POLG: variants seen among roughly 807,000 people sequenced by gnomAD.
POLG encodes the protein DNA polymerase gamma, catalytic subunit.
Under a neutral mutation model 155.4 loss-of-function variants are expected in POLG, and 110 were observed. The ratio of observed to expected loss-of-function variants is 0.71; its 90% CI spans 0.61 to 0.83. The LOEUF (loss-of-function observed/expected upper bound fraction) is 0.83. POLG is among the 40% of genes least tolerant of loss of function. The pLI is 0.00. For synonymous variants in POLG, 701 were observed against 631.5 expected, an observed-to-expected ratio of 1.11 and a Z score of -1.65; for missense variants, 1,685 against 1,627.5, an observed-to-expected ratio of 1.04 and a Z score of -0.61.
chr15:89,328,647 C>G (rs779442087), intron 5 of POLG, 38 bp downstream of exon 5: 1 of 1,613,542 alleles, frequency 6.2e-7, no homozygotes, highest in Admixed American at 1.7e-5. Context: ...AGGGGTGTGC[C>G]ACAGCCCATG....
chr15:89,316,865 A>C, intron 22 of POLG, 38 bp from the exon 23 acceptor site: 1 of 1,450,538 alleles, frequency 6.9e-7, no homozygotes. Context: ...TGCCACCTCA[A>C]GAACTGTAAC....
At position 89,322,965 on chromosome 15, in the gene POLG, C is replaced by T. The variant is rs966955640; in HGVS notation, c.2266-63G>A. On this transcript the variant is annotated intron_variant, in intron 13 of 22. Transcript: ENST00000268124. Reference sequence around the variant, plus strand: ...GGCAGACCCCTGGGTGGGGAACCAACGTGAGTACCTGCACTCCTCCCAACA... The same window carrying T: ...GGCAGACCCCTGGGTGGGGAACCAATGTGAGTACCTGCACTCCTCCCAACA... 6.6e-6 allele frequency: 10 copies of T among 1,513,842 alleles called. 1 individual carries two copies. Among genetic ancestry groups the T allele is most frequent in the South Asian group, 5.8e-5 (5 of 86,284 alleles). 93.8% of individuals were successfully genotyped at this position (1,513,842 alleles called of 1,614,324 possible).
chr15:89,325,710 AGTGTCACGAT>A, intron 9 of POLG, 24 bp from the exon 10 acceptor site: 2 of 1,542,796 alleles, frequency 1.3e-6, no homozygotes, highest in Non-Finnish European at 1.8e-6. Flanking sequence ...GGAAGACAGC[AGTGTCACGAT>A]GGTAAGGGCA....
At chr15:89,316,932 G>T in intron 22 of POLG, 105 bp from the exon 23 acceptor site, 1 of 850,944 alleles carries the variant, frequency 1.2e-6, no homozygotes. Context: ...GAGAGTGAAA[G>T]GTTGAGAACA....
rs374124965 is a variant in POLG at position 89,321,937 on chromosome 15, C to G, written c.2480+25G>C. 2.2e-5 allele frequency: 36 copies of G among 1,613,198 alleles called. 1 individual carries two copies. The highest frequency in any genetic ancestry group is 3.0e-5 in the Non-Finnish European group (35 of 1,179,238). On this transcript the variant is annotated intron_variant, in intron 15 of 22. Transcript: ENST00000268124. ...ACCACCTCACCTCAGTTCTCCTATC[C>G]CTACAACCACTCAGCAGACCATACC...
chr15:89,316,981 G>T, intron 22 of POLG, 154 bp from the exon 23 acceptor site: 1 of 674,414 alleles, frequency 1.5e-6, no homozygotes, highest in Non-Finnish European at 2.7e-6. Flanking sequence ...AGGAGGGTCT[G>T]TTTTCTTTTT....
At chr15:89,330,459 G>C (rs2055579651) in intron 2 of POLG, among the ~76,000 whole-genome samples, 183 bp from the exon 3 acceptor site, 1 of 152,336 alleles carries the variant, frequency 6.6e-6, no homozygotes. Context: ...GGGTGTGTGT[G>C]CTGGCGGGCA....
Position 89,317,672 on chromosome 15 carries a change from C to CAAGAA in POLG, c.3483-141_3483-137dup, listed in dbSNP as rs973609774. The CAAGAA allele has an allele frequency of 2.0e-5, 17 of 849,604 alleles. No individual in the cohort carries two copies. The African/African-American group carries it at 2.5e-4, about 12-fold the overall frequency. The allele number at this position is 849,604 out of a possible 1,614,324, so 52.6% of individuals were successfully genotyped here. ...ACCCCATCTGTTCACTTAGCTAAGT[C>CAAGAA]AAGAAAGGTGAAGGTCCAGCACTGT... On this transcript the variant is annotated intron_variant, in intron 21 of 22. Coordinates refer to ENST00000268124, the MANE Select transcript of POLG (RefSeq NM_002693.3).
Position 89,316,507 on chromosome 15 carries a change from T to C in POLG, c.*244A>G. The stretch of plus-strand genomic sequence containing the variant: ...AACTTTGGGGCTTCTGCTTCATTTT[T>C]ACCCAACAAGCAACAATGCCCCTTG... On this transcript the variant is annotated 3_prime_UTR_variant, in exon 23 of 23. Coordinates refer to ENST00000268124, the MANE Select transcript of POLG (RefSeq NM_002693.3). The C allele has an allele frequency of 6.4e-7, 1 of 1,562,740 alleles. No individual in the cohort carries two copies. The highest frequency in any genetic ancestry group is 2.3e-5 in the East Asian group (1 of 42,572).
chr15:89,327,085 G>A, intron 7 of POLG, 22 bp from the exon 8 acceptor site: 1 of 1,614,214 alleles, frequency 6.2e-7, no homozygotes, highest in Non-Finnish European at 8.5e-7. Context: ...GTCCACTAGG[G>A]CAGGGCTAAG....
Position 89,319,317 on chromosome 15 carries a change from C to T in POLG, c.3015G>A (p.Val1005=). The stretch of plus-strand genomic sequence containing the variant: ...TGTCCACTGGGAGGTTCAACTCCCT[C>T]ACCAGCCACTCGCCCTCATCCGACA... ...YRLSDEGEWL[V]RELNLPVDRT... is the part of the protein sequence containing the mutation. The change falls in exon 19 of 23, where the codon GTG becomes GTA. Residue 1005 remains valine (V), a synonymous_variant. Coordinates refer to ENST00000268124, the MANE Select transcript of POLG (RefSeq NM_002693.3). 6.2e-7 allele frequency: 1 copy of T among 1,614,170 alleles called. No homozygotes were observed. Among genetic ancestry groups the T allele is most frequent in the Non-Finnish European group, 8.5e-7 (1 of 1,180,002 alleles).
intron 2 of POLG, among the ~76,000 whole-genome samples, chr15:89,330,956 A>T (rs1381083147): frequency 6.6e-6 from 1 of 152,150 alleles, no homozygotes; most frequent in Non-Finnish European, 1.5e-5. Flanking sequence ...CCCGACACTG[A>T]TTCAGGAAAA....
chr15:89,317,637 C>A (rs1212961737), intron 21 of POLG, 101 bp from the exon 22 acceptor site: 3 of 1,127,322 alleles, frequency 2.7e-6, no homozygotes, highest in Non-Finnish European at 4.0e-6. Context: ...AGGGCTTCCC[C>A]TGGACCAACA....
At position 89,333,530 on chromosome 15, in the gene POLG, G is replaced by A. The variant is rs752708866; in HGVS notation, c.225C>T (p.Asp75=). 3.1e-6 allele frequency: 5 copies of A among 1,612,724 alleles called. 1 individual carries two copies. Among genetic ancestry groups the A allele is most frequent in the South Asian group, 2.2e-5 (2 of 91,090 alleles). Residue 75 remains aspartate, a synonymous_variant, in exon 2 of 23, where the codon GAC becomes GAT. Coordinates refer to ENST00000268124, the MANE Select transcript of POLG (RefSeq NM_002693.3). ...GCAGCCCTCTCGAGAGCATCTGGATGTCCAATGGGTTGTGCCGCAGCTGCC... is the reference window on the plus strand; with the variant it reads ...GCAGCCCTCTCGAGAGCATCTGGATATCCAATGGGTTGTGCCGCAGCTGCC... The part of the protein sequence containing the change: ...EGGQLRHNPL[D]IQMLSRGLHE...
chr15:89,329,706 G>A (rs1946430772), intron 3 of POLG, among the ~76,000 whole-genome samples: 1 of 152,166 alleles, frequency 6.6e-6, no homozygotes, highest in Non-Finnish European at 1.5e-5. Context: ...TTTCTGTTAT[G>A]TCTGCCTTTT....
intron 10 of POLG, among the ~76,000 whole-genome samples, chr15:89,325,111 A>AGAGTGAGTGAGTGAGAGAGT (rs2055470564): frequency 2.7e-5 from 1 of 36,912 alleles, no homozygotes; most frequent in African/African-American, 2.1e-4. Flanking sequence ...AGAGTGAGAG[A>AGAGTGAGTGAGTGAGAGAGT]GAGTGAGTGA....
chr15:89,327,245 T>G lies in POLG; in HGVS notation c.1355A>C (p.Tyr452Ser). 2 of 1,614,214 alleles carry G rather than the reference T, an allele frequency of 1.2e-6. No individual in the cohort carries two copies. Among genetic ancestry groups the G allele is most frequent in the Non-Finnish European group, 1.7e-6 (2 of 1,180,042 alleles). Residue 452 changes from tyrosine to serine, a missense_variant, in exon 7 of 23, where the codon TAT (tyrosine) becomes TCT (serine). By Grantham distance (144) the Tyr-to-Ser change is moderately radical. This residue lies in a region of POLG where 1,210 missense variants were observed against 1,167.1 expected (regional missense o/e 1.04). Transcript: ENST00000268124. ...ERYLAEAQGT[Y>S]EELQREMKKS... ...CTTCATCTCCCGCTGGAGCTCCTCA[T>G]AAGTGCCCTGTGCCTCTGCCAGGTA...
At chr15:89,322,617 CAA>C (rs2055412675) in intron 14 of POLG, 123 bp downstream of exon 14, 13 of 1,049,338 alleles carry the variant, frequency 1.2e-5, no homozygotes, top group Non-Finnish European at 1.8e-5. Flanking sequence ...GCACCAGGAC[CAA>C]AAGTAGCCAG....
At position 89,318,309 on chromosome 15, in the gene POLG, A is replaced by G. The variant is rs1426383162; in HGVS notation, c.3482+232T>C. On this transcript the variant is annotated intron_variant, in intron 21 of 22. Coordinates refer to ENST00000268124, the MANE Select transcript of POLG (RefSeq NM_002693.3). ...CCTAACCTCACTGCTTCCCTCAATG[A>G]TCAGTCTTGGTATTTCACATTTTCA... 2.6e-5 allele frequency among the ~76,000 whole-genome samples: 4 copies of G among 152,178 alleles called. No homozygotes were observed. In the East Asian group the frequency reaches 7.7e-4, roughly 29 times the overall value.
Sources: allele counts gnomAD v4.1 joint callset (sites outside exome capture counted in the v4.1 genomes callset), GRCh38; gene constraint gnomAD v4.1.1; regional missense constraint gnomAD v4.1.1; transcripts MANE v1.5; gene names NCBI Gene and HGNC (gene_info 2026-07-23, HGNC 2026-07-21).